DCTN4: variants seen among roughly 807,000 people sequenced by gnomAD.
The protein encoded by DCTN4 is dynactin 4 (p62).
Under a neutral mutation model 62.7 loss-of-function variants are expected in DCTN4, and 23 were observed. The observed-to-expected ratio is 0.37, with a 90% CI of 0.26 to 0.52. The LOEUF (loss-of-function observed/expected upper bound fraction) is 0.52, where lower values mean the gene tolerates loss of function less well. DCTN4 is among the 20% of genes least tolerant of loss of function. The probability of loss-of-function intolerance (pLI) is 0.92; values close to 1 mark genes in which losing one functional copy is unlikely to be tolerated. For synonymous variants in DCTN4, 199 were observed against 202.1 expected, an observed-to-expected ratio of 0.98 and a Z score of 0.13; for missense variants, 514 against 580.4, an observed-to-expected ratio of 0.89 and a Z score of 1.18.
intron 12 of DCTN4, among the ~76,000 whole-genome samples, chr5:150,715,035 C>T (rs981069568): frequency 2.0e-5 from 3 of 151,828 alleles, no homozygotes; most frequent in South Asian, 2.1e-4. Flanking sequence ...ATCCTCTGTT[C>T]GAATCATTGA....
chr5:150,731,635 C>G, intron 5 of DCTN4, 146 bp from the exon 6 acceptor site: 1 of 664,048 alleles, frequency 1.5e-6, no homozygotes, highest in East Asian at 2.7e-5. Flanking sequence ...TTAAAGAAAG[C>G]AATTTGTAGC....
chr5:150,731,073 T>C lies in DCTN4; in HGVS notation c.695A>G (p.Tyr232Cys), dbSNP rs752872521. ...TGTTAAATTTACTGGTCTTGTATAA[T>C]AGTCTTCAGGTAGAGGTTCCACTTC... ...VDEVEPLPEDYYTRPVNLTEV... is the reference protein window; with the variant it reads ...VDEVEPLPEDCYTRPVNLTEV... The change falls in exon 7 of 13, where the codon TAT becomes TGT. Residue 232 changes from tyrosine (Y) to cysteine (C), a missense_variant. Physicochemically the swap from Tyr to Cys is radical, Grantham distance 194 (BLOSUM62 -2). Coordinates refer to ENST00000447998, the MANE Select transcript of DCTN4 (RefSeq NM_016221.4). 1.9e-6 allele frequency: 3 copies of C among 1,607,828 alleles called. No homozygotes were observed. Among genetic ancestry groups the C allele is most frequent in the Non-Finnish European group, 1.7e-6 (2 of 1,174,380 alleles).
chr5:150,722,900 T>TA lies in DCTN4; in HGVS notation c.908+6dup, dbSNP rs1468673416. The TA allele has an allele frequency of 1.2e-6, 2 of 1,609,530 alleles. No individual in the cohort carries two copies. Among genetic ancestry groups the TA allele is most frequent in the Non-Finnish European group, 1.7e-6 (2 of 1,177,354 alleles). ...GTAACTGAAAACACCAATCCCAAAA[T>TA]ACTTACACAGCGACCAGCTGGATTT... On this transcript the variant is annotated splice_region_variant and intron_variant, in intron 9 of 12. Coordinates refer to ENST00000447998, the MANE Select transcript of DCTN4 (RefSeq NM_016221.4).
intron 3 of DCTN4, among the ~76,000 whole-genome samples, chr5:150,752,715 C>A (rs1439265177): frequency 6.6e-6 from 1 of 152,134 alleles, no homozygotes; most frequent in African/African-American, 2.4e-5. Context: ...ATTTTTATTT[C>A]TACTATGAGA....
At chr5:150,751,299 T>G (rs1359629658) in intron 3 of DCTN4, among the ~76,000 whole-genome samples, 1 of 152,142 alleles carries the variant, frequency 6.6e-6, no homozygotes, top group African/African-American at 2.4e-5. Flanking sequence ...GCTCCTGGTA[T>G]TCAATTATCC....
intron 3 of DCTN4, among the ~76,000 whole-genome samples, chr5:150,747,560 C>A (rs955086503): frequency 6.6e-6 from 1 of 152,158 alleles, no homozygotes. Flanking sequence ...CTACAGTAAC[C>A]AAAACAGCAT....
At chr5:150,756,390 GA>G (rs547830830) in intron 2 of DCTN4, 26 bp downstream of exon 2, 1,599 of 1,398,448 alleles carry the variant, frequency 1.1e-3, no homozygotes, top group South Asian at 2.4e-3. Context: ...AAAATAGGAA[GA>G]AAAAAAAAAT....
intron 6 of DCTN4, 85 bp downstream of exon 6, chr5:150,731,325 CTGTGTG>C: frequency 4.6e-6 from 5 of 1,092,260 alleles, no homozygotes; most frequent in Non-Finnish European, 6.8e-6. Context: ...CCATTGACAA[CTGTGTG>C]TGTGTGTGTG....
chr5:150,708,558 G>T lies in DCTN4; in HGVS notation c.*2591C>A, dbSNP rs1238654392. Reference sequence around the variant, plus strand: ...GGTTCTGTGAATATGTATATAAGAAGCTCAAAGCAACATCTACTTATATAT... The same window carrying T: ...GGTTCTGTGAATATGTATATAAGAATCTCAAAGCAACATCTACTTATATAT... On this transcript the variant is annotated 3_prime_UTR_variant, in exon 13 of 13. Coordinates refer to ENST00000447998, the MANE Select transcript of DCTN4 (RefSeq NM_016221.4). The T allele has an allele frequency of 6.6e-6, 1 of 152,590 alleles. No homozygotes were observed. The highest frequency in any genetic ancestry group is 2.1e-4 in the South Asian group (1 of 4,830). 9.5% of individuals were successfully genotyped at this position (152,590 alleles called of 1,614,324 possible).
chr5:150,731,377 C>A (rs1434032018), intron 6 of DCTN4, 39 bp downstream of exon 6: 2 of 1,509,544 alleles, frequency 1.3e-6, no homozygotes, highest in South Asian at 2.3e-5. Context: ...ATTTTGATAC[C>A]TGCTGTTCTC....
chr5:150,723,368 G>C (rs1003601355), intron 8 of DCTN4, among the ~76,000 whole-genome samples: 17 of 152,184 alleles, frequency 1.1e-4, no homozygotes, highest in African/African-American at 3.6e-4. Context: ...ATGGTATACA[G>C]GAAGGGTAAG....
At chr5:150,713,466 C>T (rs1464708724) in intron 12 of DCTN4, among the ~76,000 whole-genome samples, 1 of 141,052 alleles carries the variant, frequency 7.1e-6, no homozygotes, top group African/African-American at 2.7e-5. Flanking sequence ...TTTTTTGAGA[C>T]GGAGTCTGGC....
chr5:150,731,833 T>A (rs1387016234), intron 5 of DCTN4: 1 of 1,492,392 alleles, frequency 6.7e-7, no homozygotes, highest in Middle Eastern at 1.7e-4. Context: ...GGAACACCAG[T>A]GGTCATCTGC....
chr5:150,754,856 A>T (rs115188542), intron 2 of DCTN4, among the ~76,000 whole-genome samples: 3,547 of 152,158 alleles, frequency 0.023, 162 homozygotes, highest in African/African-American at 0.082. Context: ...TCAGCTACTC[A>T]GGAGGCTGAG....
At chr5:150,756,262 C>T (rs1424015718) in intron 2 of DCTN4, among the ~76,000 whole-genome samples, 155 bp downstream of exon 2, 1 of 152,032 alleles carries the variant, frequency 6.6e-6, no homozygotes, top group Non-Finnish European at 1.5e-5. Flanking sequence ...AGGATGGTAT[C>T]AACCTCTTGA....
At position 150,744,192 on chromosome 5, in the gene DCTN4, G is replaced by A. The variant is rs755606761; in HGVS notation, c.386-2035C>T. Among the ~76,000 whole-genome samples, 303 of 152,288 alleles carry A rather than the reference G, an allele frequency of 2.0e-3. 7 individuals are homozygous for A. Among genetic ancestry groups the A allele is most frequent in the Admixed American group, 0.016 (242 of 15,288 alleles). ...ATCAACTGGAAGAAAGGGTATCAGT[G>A]ACGGAAGATGAAATGAATGAAATGA... On this transcript the variant is annotated intron_variant, in intron 3 of 12. Coordinates refer to ENST00000447998, the MANE Select transcript of DCTN4 (RefSeq NM_016221.4).
rs1752954272 is a variant in DCTN4, at chr5:150,758,787, C to T, written c.135+72G>A. On this transcript the variant is annotated intron_variant, in intron 1 of 12. Coordinates refer to ENST00000447998, the MANE Select transcript of DCTN4 (RefSeq NM_016221.4). ...AAGGAAGGAAAATAGCTCCAGCCTT[C>T]CGGTGGCAGTGACTAGCATGAACGC... 1.9e-6 allele frequency: 3 copies of T among 1,577,450 alleles called. No homozygotes were observed. The South Asian group carries it at 3.4e-5, about 18-fold the overall frequency.
chr5:150,755,860 T>C (rs1028669570), intron 2 of DCTN4, among the ~76,000 whole-genome samples: 6 of 152,138 alleles, frequency 3.9e-5, no homozygotes, highest in African/African-American at 7.2e-5. Flanking sequence ...AAGTTAACAA[T>C]AGGGGAGACT....
At chr5:150,748,357 A>G (rs1752537385) in intron 3 of DCTN4, among the ~76,000 whole-genome samples, 1 of 152,096 alleles carries the variant, frequency 6.6e-6, no homozygotes, top group Non-Finnish European at 1.5e-5. Context: ...AACTAGTTCA[A>G]CCGTTGTGGA....
Sources: gnomAD v4.1 joint callset for allele counts (sites outside exome capture counted in the v4.1 genomes callset) on GRCh38, gnomAD v4.1.1 for gene constraint, MANE v1.5 for transcripts, NCBI Gene and HGNC (gene_info 2026-07-23, HGNC 2026-07-21) for gene names.